Variants in DYNC1I1 observed in about 807,000 individuals in gnomAD.
DYNC1I1 encodes cytoplasmic dynein 1 intermediate chain 1.
Under a neutral mutation model 86.6 loss-of-function variants are expected in DYNC1I1, and 43 were observed. The observed-to-expected ratio is 0.50, with a 90% CI of 0.39 to 0.64. DYNC1I1 has a LOEUF of 0.64. Ranked by LOEUF, DYNC1I1 falls within the 30% of genes least tolerant of loss-of-function variation. DYNC1I1 has a pLI of 0.00. For synonymous variants in DYNC1I1, 262 were observed against 283.7 expected, an observed-to-expected ratio of 0.92 and a Z score of 0.77; for missense variants, 604 against 788.8, an observed-to-expected ratio of 0.77 and a Z score of 2.81.
At chr7:95,830,875 G>C (rs979750809) in intron 5 of DYNC1I1, among the ~76,000 whole-genome samples, 2 of 152,084 alleles carry the variant, frequency 1.3e-5, no homozygotes, top group African/African-American at 4.8e-5. Context: ...CTTAGTTTGA[G>C]CTTCTTAAAA....
At chr7:95,977,690 A>C in intron 7 of DYNC1I1, 89 bp downstream of exon 7, 4 of 1,233,570 alleles carry the variant, frequency 3.2e-6, no homozygotes, top group Non-Finnish European at 4.4e-6. Context: ...GCTAAGTAAA[A>C]ATTGAATTTG....
chr7:95,803,482 C>A (rs1339548177), intron 1 of DYNC1I1, among the ~76,000 whole-genome samples: 3 of 152,250 alleles, frequency 2.0e-5, no homozygotes, highest in African/African-American at 7.2e-5. Context: ...CGCTGTCACA[C>A]TGTGAGCAGA....
chr7:95,808,843 T>G (rs897264141), intron 2 of DYNC1I1, among the ~76,000 whole-genome samples: 27 of 152,190 alleles, frequency 1.8e-4, no homozygotes, highest in Admixed American at 1.4e-3. Context: ...AAATCACTCC[T>G]TGTTGAATCA....
At chr7:96,001,278 C>T (rs1303978479) in intron 10 of DYNC1I1, among the ~76,000 whole-genome samples, 5 of 152,148 alleles carry the variant, frequency 3.3e-5, no homozygotes, top group Non-Finnish European at 7.3e-5. Context: ...TGTCTTGTCC[C>T]TCCCTTCCCT....
chr7:95,996,801 G>T (rs1793878567), intron 10 of DYNC1I1, among the ~76,000 whole-genome samples: 1 of 152,112 alleles, frequency 6.6e-6, no homozygotes, highest in African/African-American at 2.4e-5. Flanking sequence ...CTCCTATCCT[G>T]TGATTATGCA....
At chr7:95,830,221 T>C (rs1053662187) in intron 5 of DYNC1I1, among the ~76,000 whole-genome samples, 2 of 152,138 alleles carry the variant, frequency 1.3e-5, no homozygotes, top group African/African-American at 4.8e-5. Context: ...TAACTGGCTT[T>C]AAATAAACTA....
At chr7:95,822,909 A>T (rs992725218) in intron 4 of DYNC1I1, among the ~76,000 whole-genome samples, 2 of 152,162 alleles carry the variant, frequency 1.3e-5, no homozygotes, top group Non-Finnish European at 2.9e-5. Context: ...CTTGGGTAGC[A>T]GTGAGGATGA....
At chr7:96,035,398 A>C (rs1356332302) in intron 12 of DYNC1I1, among the ~76,000 whole-genome samples, 1 of 152,202 alleles carries the variant, frequency 6.6e-6, no homozygotes, top group East Asian at 1.9e-4. Flanking sequence ...CTGACTTAAG[A>C]AGCAGCAGCA....
chr7:95,845,385 T>G (rs1483249475), intron 5 of DYNC1I1, among the ~76,000 whole-genome samples: 11 of 152,202 alleles, frequency 7.2e-5, no homozygotes, highest in Non-Finnish European at 1.6e-4. Flanking sequence ...CTTTTTACAT[T>G]TTAAAGTTAT....
chr7:95,849,052 C>T (rs1244224890), intron 5 of DYNC1I1, among the ~76,000 whole-genome samples: 1 of 152,096 alleles, frequency 6.6e-6, no homozygotes, highest in African/African-American at 2.4e-5. Flanking sequence ...TACTCAGATC[C>T]TTTGCCCATT....
intron 6 of DYNC1I1, among the ~76,000 whole-genome samples, chr7:95,935,739 C>T (rs1792022356): frequency 6.6e-6 from 1 of 151,830 alleles, no homozygotes; most frequent in Admixed American, 6.6e-5. Context: ...TAAAGAACTC[C>T]TACAACTCAA....
chr7:96,053,386 T>G (rs1287311049), intron 14 of DYNC1I1, among the ~76,000 whole-genome samples: 2 of 152,204 alleles, frequency 1.3e-5, no homozygotes, highest in Non-Finnish European at 2.9e-5. Context: ...AGCTTTATGT[T>G]TACTGGCTTC....
intron 16 of DYNC1I1, among the ~76,000 whole-genome samples, chr7:96,108,823 T>C (rs928112328): frequency 6.8e-6 from 1 of 146,128 alleles, no homozygotes; most frequent in Non-Finnish European, 1.5e-5. Context: ...ATCGCACCAC[T>C]GCACTCCAGC....
intron 6 of DYNC1I1, among the ~76,000 whole-genome samples, chr7:95,893,273 G>C (rs2116277584): frequency 6.6e-6 from 1 of 152,266 alleles, no homozygotes; most frequent in African/African-American, 2.4e-5. Context: ...ATAAGGGAGT[G>C]CTTTCACTAG....
intron 6 of DYNC1I1, among the ~76,000 whole-genome samples, chr7:95,932,822 A>G (rs755662025): frequency 2.0e-5 from 3 of 152,130 alleles, no homozygotes; most frequent in Non-Finnish European, 4.4e-5. Context: ...TAAGACTTAC[A>G]GTAGCACATC....
intron 1 of DYNC1I1, among the ~76,000 whole-genome samples, chr7:95,787,547 C>T (rs533329818): frequency 6.6e-6 from 1 of 152,216 alleles, no homozygotes; most frequent in South Asian, 2.1e-4. Context: ...TTTTATAGTA[C>T]ATAAGGCTAG....
At chr7:96,028,031 G>A in intron 10 of DYNC1I1, 144 bp from the exon 11 acceptor site, 3 of 1,174,032 alleles carry the variant, frequency 2.6e-6, no homozygotes, top group Non-Finnish European at 2.4e-6. Context: ...TAGTAACTAT[G>A]CACTTTTACA....
intron 16 of DYNC1I1, among the ~76,000 whole-genome samples, chr7:96,109,799 C>T (rs1791285228): frequency 6.6e-6 from 1 of 151,994 alleles, no homozygotes; most frequent in African/African-American, 2.4e-5. Flanking sequence ...AGTTTTATGG[C>T]CCATATTATA....
intron 6 of DYNC1I1, among the ~76,000 whole-genome samples, chr7:95,912,037 A>T (rs982563800): frequency 6.7e-6 from 1 of 149,088 alleles, no homozygotes; most frequent in Non-Finnish European, 1.5e-5. Flanking sequence ...CTTGAACATC[A>T]TTTTTTTTTT....
Sources: gnomAD v4.1 joint callset for allele counts (sites outside exome capture counted in the v4.1 genomes callset) on GRCh38, gnomAD v4.1.1 for gene constraint, MANE v1.5 for transcripts, NCBI Gene and HGNC (gene_info 2026-07-23, HGNC 2026-07-21) for gene names.